ANKS1B: variants seen among roughly 807,000 people sequenced by gnomAD.
The protein encoded by ANKS1B is ankyrin repeat and sterile alpha motif domain containing 1B.
A neutral mutation model predicts 148.3 loss-of-function variants in ANKS1B; 36 were observed. That is an observed-to-expected ratio of 0.24 (90% CI 0.19 to 0.32). The LOEUF is 0.32. Ranked by LOEUF, ANKS1B falls within the 10% of genes least tolerant of loss-of-function variation. ANKS1B has a pLI of 1.00. For synonymous variants in ANKS1B, 542 were observed against 560.8 expected (o/e 0.97, Z 0.47); for missense variants, 1,157 against 1,542.6 (o/e 0.75, Z 4.19).
chr12:99,359,418 T>C (rs1000265212), intron 12 of ANKS1B, among the ~76,000 whole-genome samples: 1 of 152,098 alleles, frequency 6.6e-6, no homozygotes, highest in Non-Finnish European at 1.5e-5. Context: ...AATAAAACCA[T>C]AAATAATTAC....
chr12:99,236,249 AG>A (rs2153957623), intron 14 of ANKS1B, among the ~76,000 whole-genome samples: 1 of 152,346 alleles, frequency 6.6e-6, no homozygotes, highest in East Asian at 1.9e-4. Context: ...ATCTGCAAAC[AG>A]GGATAGTTTG....
At chr12:99,582,949 AC>A (rs2097584814) in intron 9 of ANKS1B, among the ~76,000 whole-genome samples, 1 of 152,168 alleles carries the variant, frequency 6.6e-6, no homozygotes, top group African/African-American at 2.4e-5. Flanking sequence ...TTCCTGAAAT[AC>A]CTGTCCCCCT....
At chr12:99,691,071 G>T (rs1023183286) in intron 8 of ANKS1B, among the ~76,000 whole-genome samples, 11 of 152,234 alleles carry the variant, frequency 7.2e-5, no homozygotes, top group African/African-American at 2.7e-4. Flanking sequence ...AAGGCTTGGG[G>T]CTTGCACCCT....
chr12:98,814,251 T>A lies in ANKS1B; in HGVS notation c.3067-6333A>T, dbSNP rs891033141. ...ACTTGACCTACTTATTTCACCAAGT[T>A]GTTGTGCAGCTTCACGAGAGAGGAA... is the stretch of plus-strand genomic sequence containing the variant. On this transcript the variant is annotated intron_variant, in intron 19 of 26. Transcript: ENST00000683438. Among the ~76,000 whole-genome samples, 5 of 152,326 alleles carry A rather than the reference T, an allele frequency of 3.3e-5. No individual in the cohort carries two copies. The South Asian group carries it at 6.2e-4, about 19-fold the overall frequency.
rs1366929549 is a variant in ANKS1B at position 99,882,344 on chromosome 12, G to A, written c.135-56955C>T. ...GAGAGAAGAGAGAGTATAGTACAAA[G>A]AAAAACAATGTAATTGCTAAAAACT... On this transcript the variant is annotated intron_variant, in intron 1 of 26. Coordinates refer to ENST00000683438, the MANE Select transcript of ANKS1B (RefSeq NM_001352186.2). Among the ~76,000 whole-genome samples the A allele has an allele frequency of 2.0e-5, 3 of 152,028 alleles. No individual in the cohort carries two copies. In the East Asian group the frequency reaches 5.8e-4, roughly 29 times the overall value.
chr12:98,831,838 C>T, intron 18 of ANKS1B, 191 bp downstream of exon 18: 1 of 620,734 alleles, frequency 1.6e-6, no homozygotes, highest in Non-Finnish European at 2.9e-6. Context: ...AATGCTCCGC[C>T]TTCTGGGTTC....
intron 9 of ANKS1B, among the ~76,000 whole-genome samples, chr12:99,521,293 T>C (rs2096872551): frequency 6.6e-6 from 1 of 152,244 alleles, no homozygotes. Context: ...TCCTTCTGTA[T>C]CTTATCTTGA....
At chr12:99,127,825 T>C (rs2064861960) in intron 15 of ANKS1B, among the ~76,000 whole-genome samples, 1 of 152,258 alleles carries the variant, frequency 6.6e-6, no homozygotes, top group African/African-American at 2.4e-5. Context: ...TTTGATTGCA[T>C]CTGCCATTTG....
At chr12:99,637,688 T>A (rs1861542091) in intron 9 of ANKS1B, among the ~76,000 whole-genome samples, 1 of 151,988 alleles carries the variant, frequency 6.6e-6, no homozygotes, top group Non-Finnish European at 1.5e-5. Context: ...CTTCAAGTTC[T>A]TCAGCTTTGG....
intron 8 of ANKS1B, among the ~76,000 whole-genome samples, chr12:99,768,297 T>C (rs1006663687): frequency 2.6e-5 from 4 of 152,242 alleles, no homozygotes; most frequent in Non-Finnish European, 5.9e-5. Context: ...AGAAATGTTT[T>C]CCACATTTAA....
At chr12:99,773,874 A>C (rs1258470866) in intron 7 of ANKS1B, among the ~76,000 whole-genome samples, 1 of 152,076 alleles carries the variant, frequency 6.6e-6, no homozygotes, top group Non-Finnish European at 1.5e-5. Flanking sequence ...GTAGCTCTTC[A>C]CAAGGTTTCC....
intron 7 of ANKS1B, 73 bp from the exon 8 acceptor site, chr12:99,773,161 G>C: frequency 8.1e-7 from 1 of 1,230,128 alleles, no homozygotes; most frequent in Non-Finnish European, 1.1e-6. Context: ...ATAAAAATAT[G>C]ACTGCTATGG....
intron 9 of ANKS1B, among the ~76,000 whole-genome samples, chr12:99,508,221 TA>T (rs2096731443): frequency 6.6e-6 from 1 of 151,872 alleles, no homozygotes; most frequent in Non-Finnish European, 1.5e-5. Context: ...AATGGACTTT[TA>T]AATGTTTCCT....
At chr12:98,966,830 A>C (rs1412630421) in intron 17 of ANKS1B, among the ~76,000 whole-genome samples, 1 of 144,028 alleles carries the variant, frequency 6.9e-6, no homozygotes, top group African/African-American at 2.6e-5. Context: ...ACAGGTGGGA[A>C]TTGAACAATG....
At chr12:99,260,535 T>C (rs761885717) in intron 12 of ANKS1B, among the ~76,000 whole-genome samples, 2 of 152,138 alleles carry the variant, frequency 1.3e-5, no homozygotes, top group Non-Finnish European at 2.9e-5. Context: ...AGATACACCA[T>C]AGAAAATATA....
chr12:99,281,633 G>A (rs577185946), intron 12 of ANKS1B, among the ~76,000 whole-genome samples: 40 of 152,148 alleles, frequency 2.6e-4, no homozygotes, highest in African/African-American at 9.2e-4. Context: ...CTATACAAAC[G>A]CCCATAACTA....
At chr12:99,579,106 C>A (rs2097546004) in intron 9 of ANKS1B, among the ~76,000 whole-genome samples, 1 of 152,056 alleles carries the variant, frequency 6.6e-6, no homozygotes, top group Non-Finnish European at 1.5e-5. Flanking sequence ...GGAAAGGACA[C>A]CCTATTCTAT....
chr12:99,952,759 CT>C lies in ANKS1B; in HGVS notation c.134+31344del, dbSNP rs1409303196. Among the ~76,000 whole-genome samples the C allele has an allele frequency of 3.3e-5, 5 of 152,314 alleles. No individual in the cohort carries two copies. In the East Asian group the frequency reaches 9.6e-4, roughly 29 times the overall value. Reference sequence around the variant, plus strand: ...CTCATCAATGTCTTTTCTATAGGGACTTCAGAAAATTAAAGGTAACTCTCTG... The same window carrying C: ...CTCATCAATGTCTTTTCTATAGGGACTCAGAAAATTAAAGGTAACTCTCTG... On this transcript the variant is annotated intron_variant, in intron 1 of 26. Coordinates refer to ENST00000683438, the MANE Select transcript of ANKS1B (RefSeq NM_001352186.2).
At chr12:98,981,926 T>C (rs1160761693) in intron 17 of ANKS1B, among the ~76,000 whole-genome samples, 1 of 152,224 alleles carries the variant, frequency 6.6e-6, no homozygotes, top group East Asian at 1.9e-4. Context: ...GTATCTGATA[T>C]GAAATACCAG....
Sources: gnomAD v4.1 joint callset for allele counts (sites outside exome capture counted in the v4.1 genomes callset) on GRCh38, gnomAD v4.1.1 for gene constraint, MANE v1.5 for transcripts, NCBI Gene and HGNC (gene_info 2026-07-23, HGNC 2026-07-21) for gene names.